The following ANTXR1 variants were observed in gnomAD, a reference collection of about 807,000 sequenced individuals.
ANTXR1 encodes the protein ANTXR cell adhesion molecule 1.
In ANTXR1, 19 loss-of-function variants were observed where a neutral mutation model predicts 78.1. The observed-to-expected ratio is 0.24, with a 90% CI of 0.17 to 0.36. The LOEUF (loss-of-function observed/expected upper bound fraction) is 0.36, where lower values mean the gene tolerates loss of function less well. Among genes scored for constraint, ANTXR1 ranks in the 10% least tolerant of loss-of-function variants. The pLI is 1.00. For missense variants in ANTXR1, 518 were observed against 718.6 expected, an observed-to-expected ratio of 0.72 and a Z score of 3.19; for synonymous variants, 273 against 260.5, an observed-to-expected ratio of 1.05 and a Z score of -0.46.
At chr2:69,155,948 A>C (rs900053760) in intron 13 of ANTXR1, among the ~76,000 whole-genome samples, 5 of 152,136 alleles carry the variant, frequency 3.3e-5, no homozygotes, top group African/African-American at 1.2e-4. Flanking sequence ...TCTCAGTTTC[A>C]TGACTCCATG....
chr2:69,127,807 T>C (rs1044405619), intron 12 of ANTXR1, among the ~76,000 whole-genome samples: 1 of 152,010 alleles, frequency 6.6e-6, no homozygotes, highest in Non-Finnish European at 1.5e-5. Context: ...CCTAAGAAAC[T>C]GAAAGGATGG....
chr2:69,185,047 T>G (rs554190980), intron 16 of ANTXR1, among the ~76,000 whole-genome samples: 13 of 152,294 alleles, frequency 8.5e-5, no homozygotes, highest in African/African-American at 3.1e-4. Flanking sequence ...CAATTATCAC[T>G]TCATCAGTCC....
At chr2:69,066,656 G>T (rs1048954292) in intron 3 of ANTXR1, among the ~76,000 whole-genome samples, 1 of 152,196 alleles carries the variant, frequency 6.6e-6, no homozygotes, top group African/African-American at 2.4e-5. Flanking sequence ...CCAGCAGAGT[G>T]CTGGGTGCAT....
intron 3 of ANTXR1, among the ~76,000 whole-genome samples, chr2:69,062,984 A>G (rs531196565): frequency 1.3e-5 from 2 of 152,304 alleles, no homozygotes; most frequent in South Asian, 4.1e-4. Context: ...ATTGAACACC[A>G]CAGAAAAGGG....
At position 69,164,642 on chromosome 2, in the gene ANTXR1, A is replaced by G. The variant is rs1421757219; in HGVS notation, c.1048-5606A>G. Among the ~76,000 whole-genome samples, 3 of 152,334 alleles carry G rather than the reference A, an allele frequency of 2.0e-5. No individual in the cohort carries two copies. The East Asian group carries it at 5.8e-4, about 29-fold the overall frequency. The stretch of plus-strand genomic sequence containing the variant: ...GATAAGATCCATGTCCCTAATTCCC[A>G]GGGAGCCATCTGGCTGGGATTGTTT... On this transcript the variant is annotated intron_variant, in intron 13 of 17. Transcript: ENST00000303714.
intron 1 of ANTXR1, among the ~76,000 whole-genome samples, chr2:69,033,449 G>A (rs1014207560): frequency 6.6e-6 from 1 of 152,196 alleles, no homozygotes; most frequent in African/African-American, 2.4e-5. Context: ...AATATGCAAA[G>A]AGTAGAAGCA....
At chr2:69,035,127 A>T (rs1671643032) in intron 1 of ANTXR1, among the ~76,000 whole-genome samples, 1 of 152,052 alleles carries the variant, frequency 6.6e-6, no homozygotes, top group Non-Finnish European at 1.5e-5. Flanking sequence ...TCATAGACCC[A>T]GCAAATTCAT....
At chr2:69,229,554 T>C (rs946911555) in intron 17 of ANTXR1, among the ~76,000 whole-genome samples, 2 of 152,132 alleles carry the variant, frequency 1.3e-5, no homozygotes, top group Admixed American at 1.3e-4. Flanking sequence ...AATAAAATAA[T>C]AAATTGAAAG....
chr2:69,172,196 T>C (rs953671913), intron 14 of ANTXR1, among the ~76,000 whole-genome samples: 1 of 152,184 alleles, frequency 6.6e-6, no homozygotes, highest in Non-Finnish European at 1.5e-5. Flanking sequence ...CAATTAAATA[T>C]GACGTCAGAA....
chr2:69,058,009 T>TA (rs1355483385), intron 3 of ANTXR1, among the ~76,000 whole-genome samples: 3 of 152,180 alleles, frequency 2.0e-5, no homozygotes, highest in Non-Finnish European at 4.4e-5. Flanking sequence ...AGTAAAGCTC[T>TA]AACTCTATTT....
At chr2:69,195,577 T>C (rs1429120141) in intron 17 of ANTXR1, among the ~76,000 whole-genome samples, 1 of 152,212 alleles carries the variant, frequency 6.6e-6, no homozygotes, top group African/African-American at 2.4e-5. Flanking sequence ...AATTTGAGCT[T>C]TTGTCTGTGA....
intron 1 of ANTXR1, among the ~76,000 whole-genome samples, chr2:69,014,762 C>T (rs1670971877): frequency 6.6e-6 from 1 of 152,108 alleles, no homozygotes. Flanking sequence ...GAAAAAGAGT[C>T]CTGCAAAATA....
At chr2:69,146,012 A>G in intron 12 of ANTXR1, 1 of 985,416 alleles carries the variant, frequency 1.0e-6, no homozygotes, top group Non-Finnish European at 1.2e-6. Context: ...GAGCAGAGGG[A>G]ATTAAAGAAA....
chr2:69,147,471 T>C (rs1573932802), intron 12 of ANTXR1, among the ~76,000 whole-genome samples: 1 of 152,296 alleles, frequency 6.6e-6, no homozygotes, highest in East Asian at 1.9e-4. Flanking sequence ...CTCTCTGACT[T>C]TCCTCTGAAG....
intron 16 of ANTXR1, among the ~76,000 whole-genome samples, chr2:69,183,627 G>A (rs1674340451): frequency 1.1e-5 from 1 of 90,138 alleles, no homozygotes; most frequent in African/African-American, 6.2e-5. Flanking sequence ...ATGTTGCCCA[G>A]GCCTGTCTTG....
At chr2:69,130,590 T>C (rs1376409899) in intron 12 of ANTXR1, among the ~76,000 whole-genome samples, 1 of 152,172 alleles carries the variant, frequency 6.6e-6, no homozygotes, top group Non-Finnish European at 1.5e-5. Context: ...TTACCTGGAG[T>C]CTGTTTCAGA....
chr2:69,159,104 A>G (rs1244940295), intron 13 of ANTXR1, among the ~76,000 whole-genome samples: 1 of 152,192 alleles, frequency 6.6e-6, no homozygotes, highest in African/African-American at 2.4e-5. Flanking sequence ...GTATTATCCT[A>G]TTTCATGACT....
intron 17 of ANTXR1, among the ~76,000 whole-genome samples, chr2:69,209,919 T>A (rs1262332290): frequency 6.6e-6 from 1 of 152,218 alleles, no homozygotes; most frequent in African/African-American, 2.4e-5. Context: ...CACACTTGAA[T>A]ACTGCCTGCC....
chr2:69,037,092 C>T (rs1669457658), intron 1 of ANTXR1, among the ~76,000 whole-genome samples: 2 of 152,118 alleles, frequency 1.3e-5, no homozygotes, highest in African/African-American at 2.4e-5. Flanking sequence ...GCAGCTATGC[C>T]CTAGAATCAG....
Sources: allele counts gnomAD v4.1 joint callset (sites outside exome capture counted in the v4.1 genomes callset), GRCh38; gene constraint gnomAD v4.1.1; transcripts MANE v1.5; gene names NCBI Gene and HGNC (gene_info 2026-07-23, HGNC 2026-07-21).